KLHL29: variants seen among roughly 807,000 people sequenced by gnomAD.
KLHL29 encodes the protein kelch like family member 29, also known as kelch-like protein 29.
KLHL29 carries 21 observed loss-of-function variants against 80.4 expected under a neutral mutation model. The ratio of observed to expected loss-of-function variants is 0.26; its 90% confidence interval spans 0.19 to 0.38. The LOEUF is 0.38. Ranked by LOEUF, KLHL29 falls within the 10% of genes least tolerant of loss-of-function variation. KLHL29 has a pLI of 1.00. For missense variants in KLHL29, 867 were observed against 1,223.9 expected, an observed-to-expected ratio of 0.71 and a Z score of 4.35; for synonymous variants, 511 against 526.8, an observed-to-expected ratio of 0.97 and a Z score of 0.41.
At chr2:23,665,316 T>C (rs1431008501) in intron 5 of KLHL29, among the ~76,000 whole-genome samples, 3 of 152,160 alleles carry the variant, frequency 2.0e-5, no homozygotes, top group Non-Finnish European at 4.4e-5. Flanking sequence ...CCCAGAGATT[T>C]CTATGCTTGA....
At chr2:23,394,186 A>C (rs1199505237) in intron 1 of KLHL29, among the ~76,000 whole-genome samples, 1 of 152,198 alleles carries the variant, frequency 6.6e-6, no homozygotes, top group Non-Finnish European at 1.5e-5. Context: ...AAAAACAAAA[A>C]ACAAAAACAA....
chr2:23,661,902 C>T (rs1399017942), intron 5 of KLHL29, among the ~76,000 whole-genome samples: 2 of 152,248 alleles, frequency 1.3e-5, no homozygotes, highest in African/African-American at 2.4e-5. Context: ...CTGGGCAGGT[C>T]GCCAGGTATC....
chr2:23,644,300 TACTC>T (rs1441266730), intron 5 of KLHL29: 1 of 151,888 alleles, frequency 6.6e-6, no homozygotes, highest in African/African-American at 2.4e-5. Flanking sequence ...GAAAGAAACT[TACTC>T]CCAGTTCAAG....
Position 23,703,391 on chromosome 2 carries a change from C to T in KLHL29, c.2299+12C>T, listed in dbSNP as rs564386983. ...GTCCCCAATGATTGGTGAGAACCAGCGGTGTCCTCAGCCCAGGGCCAGGGT... is the reference window on the plus strand; with the variant it reads ...GTCCCCAATGATTGGTGAGAACCAGTGGTGTCCTCAGCCCAGGGCCAGGGT... On this transcript the variant is annotated intron_variant, in intron 12 of 13. Coordinates refer to ENST00000486442, the MANE Select transcript of KLHL29 (RefSeq NM_052920.2). The T allele has an allele frequency of 1.7e-5, 25 of 1,477,906 alleles. No individual in the cohort carries two copies. In the African/African-American group the frequency reaches 2.1e-4, roughly 12 times the overall value. The allele number at this position is 1,477,906 out of a possible 1,614,324, so 91.5% of individuals were successfully genotyped here.
At chr2:23,509,404 GTGTT>G (rs879634488) in intron 2 of KLHL29, among the ~76,000 whole-genome samples, 5 of 152,174 alleles carry the variant, frequency 3.3e-5, no homozygotes, top group Non-Finnish European at 7.3e-5. Context: ...CTCTGTGTGT[GTGTT>G]TAAGTTCATA....
intron 3 of KLHL29, among the ~76,000 whole-genome samples, chr2:23,579,959 G>C (rs2103508493): frequency 6.6e-6 from 1 of 152,354 alleles, no homozygotes; most frequent in South Asian, 2.1e-4. Context: ...TGGCCTTAAA[G>C]ACAGGCAGCC....
At chr2:23,532,788 C>A (rs928515110) in intron 2 of KLHL29, among the ~76,000 whole-genome samples, 1 of 152,088 alleles carries the variant, frequency 6.6e-6, no homozygotes, top group Non-Finnish European at 1.5e-5. Flanking sequence ...GGAGACTGTT[C>A]GCCACAGGCC....
chr2:23,582,303 A>G (rs1171172114), intron 3 of KLHL29, among the ~76,000 whole-genome samples: 1 of 152,256 alleles, frequency 6.6e-6, no homozygotes, highest in African/African-American at 2.4e-5. Flanking sequence ...GAAGGGCTCC[A>G]TTCTTAAAAT....
At chr2:23,456,090 G>A (rs1240554188) in intron 1 of KLHL29, among the ~76,000 whole-genome samples, 1 of 152,184 alleles carries the variant, frequency 6.6e-6, no homozygotes, top group Non-Finnish European at 1.5e-5. Context: ...CTCCAGAACT[G>A]TGAGAAAATA....
chr2:23,509,071 T>C (rs148888468), intron 2 of KLHL29, among the ~76,000 whole-genome samples: 1 of 152,314 alleles, frequency 6.6e-6, no homozygotes, highest in East Asian at 1.9e-4. Context: ...AAGGATGGTA[T>C]AGAAATAAAA....
At chr2:23,423,281 C>T (rs540707950) in intron 1 of KLHL29, among the ~76,000 whole-genome samples, 23 of 152,324 alleles carry the variant, frequency 1.5e-4, no homozygotes, top group South Asian at 1.2e-3. Context: ...CCACCAGAGG[C>T]GTCTGCTGCG....
intron 3 of KLHL29, among the ~76,000 whole-genome samples, chr2:23,634,639 A>G (rs537860888): frequency 6.6e-6 from 1 of 152,088 alleles, no homozygotes; most frequent in Admixed American, 6.5e-5. Context: ...ATCACACCCA[A>G]GCATCCGGAG....
intron 5 of KLHL29, among the ~76,000 whole-genome samples, chr2:23,666,355 C>T (rs1670552455): frequency 6.6e-6 from 1 of 152,214 alleles, no homozygotes. Context: ...ATCCCAACCC[C>T]CTTGCCAAGC....
intron 2 of KLHL29, among the ~76,000 whole-genome samples, chr2:23,516,974 C>G (rs1016719397): frequency 6.6e-6 from 1 of 152,192 alleles, no homozygotes; most frequent in Non-Finnish European, 1.5e-5. Flanking sequence ...AGGCTGGTGA[C>G]GGACGTGCCT....
At chr2:23,480,106 A>T (rs143871859) in intron 2 of KLHL29, among the ~76,000 whole-genome samples, 23 of 152,326 alleles carry the variant, frequency 1.5e-4, no homozygotes, top group African/African-American at 5.5e-4. Flanking sequence ...CCCATTTCTC[A>T]GGACCTTGAA....
chr2:23,472,807 C>G (rs1001074623), intron 1 of KLHL29, among the ~76,000 whole-genome samples: 1 of 152,188 alleles, frequency 6.6e-6, no homozygotes, highest in African/African-American at 2.4e-5. Flanking sequence ...CCTGCTGTCA[C>G]AAAACTAAGT....
intron 5 of KLHL29, among the ~76,000 whole-genome samples, chr2:23,648,093 C>T (rs1423364180): frequency 2.0e-5 from 3 of 152,040 alleles, no homozygotes; most frequent in East Asian, 1.9e-4. Context: ...TAGGAGAGCT[C>T]GTTCTGCAGC....
intron 1 of KLHL29, among the ~76,000 whole-genome samples, chr2:23,466,588 G>T (rs1664360710): frequency 6.6e-6 from 1 of 152,210 alleles, no homozygotes; most frequent in South Asian, 2.1e-4. Flanking sequence ...GTGGGCCCGA[G>T]ATGGAGAGGA....
chr2:23,647,780 G>T lies in KLHL29; in HGVS notation c.940+4930G>T, dbSNP rs959215915. Among the ~76,000 whole-genome samples the T allele has an allele frequency of 2.6e-5, 4 of 152,054 alleles. No homozygotes were observed. Among genetic ancestry groups the T allele is most frequent in the Non-Finnish European group, 5.9e-5 (4 of 68,010 alleles). ...TGCTGTTCTGCTTGCAGGCTGCCCC[G>T]TAACCACCCCAGGCCTTGGCTCTCC... On this transcript the variant is annotated intron_variant, in intron 5 of 13. Transcript: ENST00000486442. This position sits in a 1 kb window ranked among gnomAD's most constrained non-coding sequence, Gnocchi z 4.9.
Sources: gnomAD v4.1 joint callset for allele counts (sites outside exome capture counted in the v4.1 genomes callset) on GRCh38, gnomAD v4.1.1 for gene constraint, Gnocchi (gnomAD v3.1) non-coding constraint, MANE v1.5 for transcripts, NCBI Gene and HGNC (gene_info 2026-07-23, HGNC 2026-07-21) for gene names.